SUN1: variants seen among roughly 807,000 people sequenced by gnomAD.
SUN1 encodes the protein Sad1 and UNC84 domain containing 1, also known as SUN domain-containing protein 1.
Under a neutral mutation model 103.2 loss-of-function variants are expected in SUN1, and 61 were observed. The observed-to-expected ratio is 0.59, with a 90% CI of 0.48 to 0.73. SUN1 has a LOEUF of 0.73. Among genes scored for constraint, SUN1 ranks in the 30% least tolerant of loss-of-function variants. The pLI, the probability that SUN1 is intolerant of heterozygous loss-of-function variation, is 0.00. For synonymous variants in SUN1, 490 were observed against 425.7 expected, an observed-to-expected ratio of 1.15 and a Z score of -1.86; for missense variants, 1,052 against 1,034.6, an observed-to-expected ratio of 1.02 and a Z score of -0.23.
In SUN1 at chr7:851,785, A is replaced by G. The variant is rs563458660; in HGVS notation, c.758-165A>G. 1.6e-5 allele frequency: 11 copies of G among 668,646 alleles called. No individual in the cohort carries two copies. The East Asian group carries it at 2.7e-4, about 17-fold the overall frequency. 41.4% of individuals were successfully genotyped at this position (668,646 alleles called of 1,614,324 possible). A position where few individuals can be genotyped will look rare whatever the true frequency, so the allele number is the denominator to read the frequency against. On this transcript the variant is annotated intron_variant, in intron 6 of 18. Coordinates refer to ENST00000401592, the MANE Select transcript of SUN1 (RefSeq NM_001130965.3). The stretch of plus-strand genomic sequence containing the variant: ...TGTCCTGTGTGTTCATCAGCATGAT[A>G]CGTTACTGCCTTGCTTCCTGCCGTG...
At chr7:819,074 G>A (rs1457021721) in intron 1 of SUN1, among the ~76,000 whole-genome samples, 1 of 151,998 alleles carries the variant, frequency 6.6e-6, no homozygotes, top group Non-Finnish European at 1.5e-5. Context: ...TGTTGGTCAG[G>A]CTGGTCTCAA....
Position 824,647 on chromosome 7 carries a change from G to A in SUN1, c.-74+7974G>A, listed in dbSNP as rs546293943. 1.2e-4 allele frequency among the ~76,000 whole-genome samples: 18 copies of A among 152,302 alleles called. No homozygotes were observed. In the South Asian group the frequency reaches 1.5e-3, roughly 12 times the overall value. On this transcript the variant is annotated intron_variant, in intron 1 of 17. Transcript: ENST00000389574. ...CCTTATGGTAAGGAGATGTGTGCAC[G>A]TGATCATCGGTCTTCTGGTAGAAGT...
intron 5 of SUN1, among the ~76,000 whole-genome samples, chr7:847,594 G>A (rs1270210770): frequency 3.0e-5 from 1 of 33,722 alleles, no homozygotes. Flanking sequence ...GTGCGCCAGC[G>A]GAGTTGGCAG....
At chr7:859,664 G>A (rs141278594) in intron 13 of SUN1, among the ~76,000 whole-genome samples, 9 of 152,328 alleles carry the variant, frequency 5.9e-5, no homozygotes, top group Non-Finnish European at 1.0e-4. Flanking sequence ...GAAGAGAAAG[G>A]TATACACATA....
At chr7:846,212 G>A (rs1289043818) in intron 5 of SUN1, among the ~76,000 whole-genome samples, 3 of 151,826 alleles carry the variant, frequency 2.0e-5, no homozygotes, top group Non-Finnish European at 4.4e-5. Context: ...GGGCTCAAGC[G>A]ATTCTCCTGC....
At chr7:858,042 T>C (rs921039037) in intron 13 of SUN1, 85 bp downstream of exon 13, 5 of 1,396,784 alleles carry the variant, frequency 3.6e-6, no homozygotes, top group African/African-American at 2.9e-5. Context: ...ATTAGCTGTT[T>C]AATTTTTTAT....
At chr7:831,012 T>C, upstream of SUN1, 2 of 985,574 alleles carry the variant, frequency 2.0e-6, no homozygotes, top group Non-Finnish European at 2.4e-6. Context: ...CAAGGCCCTG[T>C]CCTGTGCCGG....
At position 874,244 on chromosome 7, in the gene SUN1, T is replaced by C. The variant is rs1322067899; in HGVS notation, c.*913T>C. On this transcript the variant is annotated 3_prime_UTR_variant, in exon 19 of 19. Transcript: ENST00000401592. ...ACGAACCCGTTACATTTCAGGACGA[T>C]CCTTTTTCCTTCAGCAGCATTTCTT... is the stretch of plus-strand genomic sequence containing the variant. 6.6e-6 allele frequency: 1 copy of C among 152,574 alleles called. No individual in the cohort carries two copies. The highest frequency in any genetic ancestry group is 1.5e-5 in the Non-Finnish European group (1 of 68,048). 9.5% of individuals were successfully genotyped at this position (152,574 alleles called of 1,614,324 possible).
chr7:817,510 C>T, intron 1 of SUN1: 4 of 1,535,874 alleles, frequency 2.6e-6, no homozygotes, highest in Non-Finnish European at 3.5e-6. Context: ...GTGGGCGGTG[C>T]GGTCCGAGGT....
chr7:833,921 TA>T (rs1183336688), intron 1 of SUN1, among the ~76,000 whole-genome samples: 2 of 152,234 alleles, frequency 1.3e-5, no homozygotes, highest in Non-Finnish European at 2.9e-5. Context: ...ATAGAGTTTT[TA>T]AAATGCCTCT....
At chr7:839,877 TA>T (rs1368601771) in intron 2 of SUN1, among the ~76,000 whole-genome samples, 3 of 152,204 alleles carry the variant, frequency 2.0e-5, no homozygotes, top group Non-Finnish European at 4.4e-5. Context: ...AGGTCTTTAT[TA>T]AAAATCTGTG....
intron 2 of SUN1, among the ~76,000 whole-genome samples, chr7:840,420 T>TCTGCCGCGCC (rs1459704963): frequency 5.3e-5 from 8 of 152,202 alleles, no homozygotes; most frequent in Non-Finnish European, 1.0e-4. Flanking sequence ...CACGCCGCGC[T>TCTGCCGCGCC]CTGCCGCGCC....
chr7:828,313 C>T (rs1469780099), upstream of SUN1, among the ~76,000 whole-genome samples: 2 of 151,698 alleles, frequency 1.3e-5, no homozygotes, highest in Non-Finnish European at 2.9e-5. Context: ...ACTCTGTCAC[C>T]CAGGCTGGAG....
chr7:831,374 C>A (rs901640648), upstream of SUN1, among the ~76,000 whole-genome samples: 9 of 151,686 alleles, frequency 5.9e-5, no homozygotes, highest in Admixed American at 6.6e-5. Flanking sequence ...CGGGTTCATG[C>A]CATTCTCCTG....
intron 16 of SUN1, among the ~76,000 whole-genome samples, chr7:868,276 G>C (rs988532245): frequency 8.5e-5 from 13 of 152,256 alleles, no homozygotes; most frequent in African/African-American, 2.2e-4. Context: ...GTCCCTGTGT[G>C]TGCCTGGGGA....
In SUN1 at chr7:852,525, C is replaced by T. The variant is rs1167776780; in HGVS notation, c.852-84C>T. On this transcript the variant is annotated intron_variant, in intron 7 of 18. Coordinates refer to ENST00000401592, the MANE Select transcript of SUN1 (RefSeq NM_001130965.3). ...TAATACTGGGGGGGTGGATTTTGCA[C>T]AAAATTATCTAGAGGGGGAAAACAG... 3.2e-6 allele frequency: 5 copies of T among 1,571,366 alleles called. No homozygotes were observed. The African/African-American group carries it at 6.8e-5, about 21-fold the overall frequency.
intron 10 of SUN1, among the ~76,000 whole-genome samples, chr7:854,262 G>A (rs1042694189): frequency 2.0e-5 from 3 of 152,264 alleles, no homozygotes; most frequent in East Asian, 1.9e-4. Context: ...TCATGGCGGC[G>A]ACTGGAACGC....
At chr7:828,345 C>T (rs750478386), upstream of SUN1, among the ~76,000 whole-genome samples, 3 of 151,908 alleles carry the variant, frequency 2.0e-5, no homozygotes, top group Admixed American at 2.0e-4. Context: ...TGTGTTGGCT[C>T]ACTGCAACCT....
chr7:819,518 A>G (rs1024894801), intron 1 of SUN1, among the ~76,000 whole-genome samples: 1 of 152,090 alleles, frequency 6.6e-6, no homozygotes, highest in Non-Finnish European at 1.5e-5. Flanking sequence ...ATTCTTGTGT[A>G]TGATGTGTGG....
Sources: gnomAD v4.1 joint callset for allele counts (sites outside exome capture counted in the v4.1 genomes callset) on GRCh38, gnomAD v4.1.1 for gene constraint, MANE v1.5 for transcripts, NCBI Gene and HGNC (gene_info 2026-07-23, HGNC 2026-07-21) for gene names.